The following IQSEC3 variants were observed in gnomAD, a reference collection of about 807,000 sequenced individuals.
IQSEC3 encodes the protein IQ motif and Sec7 domain ArfGEF 3, also known as IQ motif and SEC7 domain-containing protein 3.
IQSEC3 carries 50 observed loss-of-function variants against 105.4 expected under a neutral mutation model. The ratio of observed to expected loss-of-function variants is 0.47; its 90% CI spans 0.38 to 0.60. The LOEUF (loss-of-function observed/expected upper bound fraction) is 0.60, where lower values mean the gene tolerates loss of function less well. Ranked by LOEUF, IQSEC3 falls within the 20% of genes least tolerant of loss-of-function variation. The pLI, the probability that IQSEC3 is intolerant of heterozygous loss-of-function variation, is 0.00. For synonymous variants in IQSEC3, 708 were observed against 746.0 expected (o/e 0.95, Z 0.83); for missense variants, 1,415 against 1,630.0 (o/e 0.87, Z 2.27).
At chr12:116,539 G>T (rs1181137867) in intron 2 of IQSEC3, among the ~76,000 whole-genome samples, 2 of 152,238 alleles carry the variant, frequency 1.3e-5, no homozygotes, top group Non-Finnish European at 2.9e-5. Context: ...GAGGGCTTAA[G>T]GAGTAACTCC....
intron 7 of IQSEC3, among the ~76,000 whole-genome samples, chr12:160,527 A>G (rs551830651): frequency 3.7e-4 from 56 of 152,122 alleles, no homozygotes; most frequent in Non-Finnish European, 7.1e-4. Flanking sequence ...TAGGTTATCA[A>G]CTTCATCCCC....
At chr12:149,050 T>A (rs1339163558) in intron 5 of IQSEC3, 4 of 152,210 alleles carry the variant, frequency 2.6e-5, no homozygotes, top group Non-Finnish European at 5.9e-5. Context: ...CAGATCAATG[T>A]TAACAAGCAA....
chr12:75,887 A>C (rs368513254), intron 1 of IQSEC3, among the ~76,000 whole-genome samples: 5 of 152,260 alleles, frequency 3.3e-5, no homozygotes, highest in African/African-American at 1.2e-4. Flanking sequence ...AGCTGCTCTC[A>C]GAGGTTCAGT....
chr12:170,185 C>T (rs952348594), intron 12 of IQSEC3, among the ~76,000 whole-genome samples: 11 of 152,350 alleles, frequency 7.2e-5, no homozygotes, highest in Middle Eastern at 6.8e-3. Flanking sequence ...TAATTCTCCA[C>T]GCTGCCTGAT....
intron 11 of IQSEC3, 68 bp downstream of exon 11, chr12:165,958 G>A: frequency 6.4e-7 from 1 of 1,558,496 alleles, no homozygotes; most frequent in East Asian, 2.3e-5. Context: ...GGCAGCTTGA[G>A]ACAGACATGC....
chr12:169,101 G>T lies in IQSEC3; in HGVS notation c.3060G>T (p.Pro1020=). ...QGDPQSKQGS[P]TAKREAALRE... ...ACCCACAGTCAAAGCAAGGATCGCC[G>T]ACAGGTGAGCCTCGGCTCCGCTCAG... Residue 1020 remains proline (P), a synonymous_variant, in exon 12 of 14, where the codon CCG becomes CCT. Coordinates refer to ENST00000538872, the MANE Select transcript of IQSEC3 (RefSeq NM_001170738.2). 1 of 1,613,682 alleles carries T rather than the reference G, an allele frequency of 6.2e-7. No individual in the cohort carries two copies. The highest frequency in any genetic ancestry group is 8.5e-7 in the Non-Finnish European group (1 of 1,179,872).
intron 5 of IQSEC3, among the ~76,000 whole-genome samples, chr12:147,278 C>T (rs1035887904): frequency 1.6e-4 from 25 of 152,146 alleles, no homozygotes; most frequent in South Asian, 1.0e-3. Context: ...CCAAGCAGGC[C>T]GTGAAATATT....
At chr12:128,563 T>A (rs1223243813) in intron 3 of IQSEC3, among the ~76,000 whole-genome samples, 4 of 152,054 alleles carry the variant, frequency 2.6e-5, no homozygotes, top group Non-Finnish European at 5.9e-5. Context: ...CCGCCAAGCC[T>A]CCTCTGTCAG....
chr12:117,820 G>A (rs1267812428), intron 2 of IQSEC3, among the ~76,000 whole-genome samples: 1 of 152,240 alleles, frequency 6.6e-6, no homozygotes, highest in Non-Finnish European at 1.5e-5. Context: ...GGAAGTGGAA[G>A]AGAGCCGGGA....
rs1555083014 is a variant in IQSEC3, at chr12:125,619, C to A, written c.624-14C>A. 6.7e-7 allele frequency: 1 copy of A among 1,483,058 alleles called. No homozygotes were observed. Among genetic ancestry groups the A allele is most frequent in the Non-Finnish European group, 8.9e-7 (1 of 1,127,016 alleles). The allele number at this position is 1,483,058 out of a possible 1,614,324, so 91.9% of individuals were successfully genotyped here. Reference sequence around the variant, plus strand: ...CCTCTCCCCCAACCGAGCACCGTTGCCTTCTGTTCACAGTGATGGCTCCTG... The same window carrying A: ...CCTCTCCCCCAACCGAGCACCGTTGACTTCTGTTCACAGTGATGGCTCCTG... On this transcript the variant is annotated splice_polypyrimidine_tract_variant and intron_variant, in intron 2 of 13. Coordinates refer to ENST00000538872, the MANE Select transcript of IQSEC3 (RefSeq NM_001170738.2).
chr12:75,825 C>A (rs1390817790), intron 1 of IQSEC3, among the ~76,000 whole-genome samples: 5 of 152,258 alleles, frequency 3.3e-5, no homozygotes, highest in South Asian at 2.1e-4. Context: ...GAAGGGAGGA[C>A]CCCTGGGTCC....
rs184563018 is a variant in IQSEC3, at chr12:72,128, C to T, written c.554+4692C>T. On this transcript the variant is annotated intron_variant, in intron 1 of 13. Transcript: ENST00000538872. ...CCTCTTTCCTCACTCCCAATCTCTC[C>T]CCAGACCAATGCAGTGAATGCCATA... 2.9e-4 allele frequency among the ~76,000 whole-genome samples: 44 copies of T among 152,358 alleles called. No homozygotes were observed. The South Asian group carries it at 2.9e-3, about 10-fold the overall frequency.
Position 169,114 on chromosome 12 carries a change from C to T in IQSEC3, c.3064+9C>T, listed in dbSNP as rs1400890552. ...GCAAGGATCGCCGACAGGTGAGCCT[C>T]GGCTCCGCTCAGGGCACCAGTCCCC... On this transcript the variant is annotated intron_variant, in intron 12 of 13. Transcript: ENST00000538872. 8.7e-6 allele frequency: 14 copies of T among 1,612,646 alleles called. No individual in the cohort carries two copies. Among genetic ancestry groups the T allele is most frequent in the Non-Finnish European group, 1.1e-5 (13 of 1,179,324 alleles).
rs1468019520 is a variant in IQSEC3, at chr12:152,426, G to C, written c.2154-4599G>C. Among the ~76,000 whole-genome samples the C allele has an allele frequency of 1.6e-4, 25 of 152,212 alleles. No homozygotes were observed. The highest frequency in any genetic ancestry group is 1.5e-3 in the Admixed American group (23 of 15,288). On this transcript the variant is annotated intron_variant, in intron 5 of 13. Coordinates refer to ENST00000538872, the MANE Select transcript of IQSEC3 (RefSeq NM_001170738.2). This position sits in a 1 kb window ranked among gnomAD's most constrained non-coding sequence, Gnocchi z 4.8. Reference sequence around the variant, plus strand: ...TTAGTGCCAGCCACTGAGCAGCAGAGAGCCAGGGAGAGGTGAGGGAGAGGA... The same window carrying C: ...TTAGTGCCAGCCACTGAGCAGCAGACAGCCAGGGAGAGGTGAGGGAGAGGA...
intron 7 of IQSEC3, among the ~76,000 whole-genome samples, 185 bp from the exon 8 acceptor site, chr12:161,733 AGTTTTGGT>A (rs1474272941): frequency 2.0e-5 from 3 of 152,106 alleles, no homozygotes; most frequent in Non-Finnish European, 4.4e-5. Flanking sequence ...CCATATCATT[AGTTTTGGT>A]GCCTGGCTAA....
chr12:87,273 C>T (rs1220236560), intron 1 of IQSEC3, among the ~76,000 whole-genome samples: 1 of 152,104 alleles, frequency 6.6e-6, no homozygotes, highest in African/African-American at 2.4e-5. Context: ...CACGCCTCTC[C>T]ATGGAGTCAT....
intron 2 of IQSEC3, among the ~76,000 whole-genome samples, chr12:109,062 C>A (rs976821425): frequency 6.6e-6 from 1 of 152,238 alleles, no homozygotes; most frequent in East Asian, 1.9e-4. Context: ...CTCAAAGCAT[C>A]CTGGCGGACT....
intron 3 of IQSEC3, among the ~76,000 whole-genome samples, chr12:134,636 G>A (rs1179777959): frequency 1.3e-5 from 2 of 152,214 alleles, no homozygotes; most frequent in African/African-American, 4.8e-5. Flanking sequence ...GCCCACGCCT[G>A]TAATCCCAGC....
At chr12:125,542 C>A in intron 2 of IQSEC3, 91 bp from the exon 3 acceptor site, 1 of 1,302,338 alleles carries the variant, frequency 7.7e-7, no homozygotes. Context: ...AAAGGCAGGC[C>A]AGAGTGCCTA....
Sources: allele counts gnomAD v4.1 joint callset (sites outside exome capture counted in the v4.1 genomes callset), GRCh38; gene constraint gnomAD v4.1.1; non-coding constraint Gnocchi (gnomAD v3.1); transcripts MANE v1.5; gene names NCBI Gene and HGNC (gene_info 2026-07-23, HGNC 2026-07-21).